The following DHFR2 variants were observed in gnomAD, a reference collection of about 807,000 sequenced individuals.
DHFR2 encodes dihydrofolate reductase 2, mitochondrial.
DHFR2 carries 11 observed loss-of-function variants against 12.0 expected under a neutral mutation model. The observed-to-expected ratio is 0.92, with a 90% CI of 0.58 to 1.52. The LOEUF is 1.52. Ranked by LOEUF, DHFR2 falls within the 40% of genes most tolerant of loss-of-function variation. DHFR2 has a pLI of 0.00. For synonymous variants in DHFR2, 87 were observed against 79.6 expected, an observed-to-expected ratio of 1.09 and a Z score of -0.49; for missense variants, 188 against 221.2, an observed-to-expected ratio of 0.85 and a Z score of 0.95.
upstream of DHFR2, chr3:94,063,257 GA>G: frequency 9.9e-7 from 1 of 1,011,586 alleles, no homozygotes. Flanking sequence ...CCCCTCGCGA[GA>G]TCAGCGTTTC....
chr3:94,059,810 C>G lies in DHFR2; in HGVS notation c.*1138G>C, dbSNP rs945979607. The G allele has an allele frequency of 6.6e-6, 1 of 152,174 alleles. No individual in the cohort carries two copies. The highest frequency in any genetic ancestry group is 6.5e-5 in the Admixed American group (1 of 15,280). 9.4% of individuals were successfully genotyped at this position (152,174 alleles called of 1,614,324 possible). A position where few individuals can be genotyped will look rare whatever the true frequency, so the allele number is the denominator to read the frequency against. On this transcript the variant is annotated 3_prime_UTR_variant, in exon 2 of 2. Coordinates refer to ENST00000314636, the MANE Select transcript of DHFR2 (RefSeq NM_176815.5). ...AAGTGCAGTGGCTGATGCCTGTAAT[C>G]CCAGCACCCCTGAAGGCCGAGGCAG...
rs559246351 is a variant in DHFR2 at position 94,060,978 on chromosome 3, G to A, written c.534C>T (p.Tyr178=). The A allele has an allele frequency of 7.4e-6, 12 of 1,613,802 alleles. No homozygotes were observed. In the East Asian group the frequency reaches 2.5e-4, roughly 33 times the overall value. Residue 178 remains tyrosine, a synonymous_variant, in exon 2 of 2, where the codon TAC becomes TAT. Coordinates refer to ENST00000314636, the MANE Select transcript of DHFR2 (RefSeq NM_176815.5). ...CATCCTTCTCACATACTTCAAATTTGTACTTGATGTGTTTCCCCTCCTGGA... is the reference window on the plus strand; with the variant it reads ...CATCCTTCTCACATACTTCAAATTTATACTTGATGTGTTTCCCCTCCTGGA... ...SDVQEGKHIK[Y]KFEVCEKDD is the part of the protein sequence containing the mutation.
intron 1 of DHFR2, among the ~76,000 whole-genome samples, chr3:94,062,517 A>C (rs546989818): frequency 1.3e-5 from 2 of 152,340 alleles, no homozygotes; most frequent in East Asian, 3.9e-4. Flanking sequence ...TTGGTAGATT[A>C]AGTCAGTAAC....
chr3:94,063,011 G>A (rs766851915), upstream of DHFR2: 21 of 1,116,398 alleles, frequency 1.9e-5, no homozygotes, highest in Non-Finnish European at 2.7e-5. Flanking sequence ...GAGGAAACGT[G>A]AGAATGAAAG....
rs900645736 is a variant in DHFR2 at position 94,059,191 on chromosome 3, G to A, written c.*1757C>T. The A allele has an allele frequency of 6.6e-6, 1 of 152,072 alleles. No individual in the cohort carries two copies. Among genetic ancestry groups the A allele is most frequent in the Non-Finnish European group, 1.5e-5 (1 of 68,002 alleles). The allele number at this position is 152,072 out of a possible 1,614,324, so 9.4% of individuals were successfully genotyped here. A position where few individuals can be genotyped will look rare whatever the true frequency, so the allele number is the denominator to read the frequency against. On this transcript the variant is annotated 3_prime_UTR_variant, in exon 2 of 2. Transcript: ENST00000314636. ...TTTATCAGTTGAAAATAACTTTATAGAATTCTGAAGGCATGGTTCCGTTGT... is the reference window on the plus strand; with the variant it reads ...TTTATCAGTTGAAAATAACTTTATAAAATTCTGAAGGCATGGTTCCGTTGT...
Position 94,061,283 on chromosome 3 carries a change from T to C in DHFR2, c.229A>G (p.Ser77Gly), listed in dbSNP as rs772191447. Residue 77 changes from serine to glycine, a missense_variant, in exon 2 of 2, where the codon AGC becomes GGC. By Grantham distance (56) the Ser-to-Gly change is moderately conservative. Coordinates refer to ENST00000314636, the MANE Select transcript of DHFR2 (RefSeq NM_176815.5). ...PLKDRINLVL[S>G]RELKEPPQGA... is the part of the protein sequence containing the mutation. ...TGTGGAGGTTCCTTGAGTTCTCTGC[T>C]GAGAACTAAATTAATTCTATCCTTT... The C allele has an allele frequency of 1.1e-4, 173 of 1,613,884 alleles. No homozygotes were observed. The highest frequency in any genetic ancestry group is 1.4e-4 in the Non-Finnish European group (160 of 1,179,882).
upstream of DHFR2, chr3:94,063,220 G>A: frequency 1.5e-6 from 2 of 1,369,094 alleles, no homozygotes; most frequent in South Asian, 1.2e-5. Flanking sequence ...GAGGGTGCTG[G>A]GATGGGGGAA....
rs1188996736 is a variant in DHFR2, at chr3:94,058,604, TTA to T, written c.*2342_*2343del. ...GGCTAAGCAGTCAGTCACCACATCA[TTA>T]TGACTATGTACATATTGCCCATTGT... is the stretch of plus-strand genomic sequence containing the variant. On this transcript the variant is annotated 3_prime_UTR_variant, in exon 2 of 2. Coordinates refer to ENST00000314636, the MANE Select transcript of DHFR2 (RefSeq NM_176815.5). 1.3e-5 allele frequency: 2 copies of T among 152,846 alleles called. No homozygotes were observed. The highest frequency in any genetic ancestry group is 4.8e-5 in the African/African-American group (2 of 41,454). The allele number at this position is 152,846 out of a possible 1,614,324, so 9.5% of individuals were successfully genotyped here. A position where few individuals can be genotyped will look rare whatever the true frequency, so the allele number is the denominator to read the frequency against.
chr3:94,061,965 A>G (rs1318184454), intron 1 of DHFR2, among the ~76,000 whole-genome samples: 2 of 152,318 alleles, frequency 1.3e-5, no homozygotes, highest in East Asian at 1.9e-4. Flanking sequence ...TTACATGAAT[A>G]TAAGACTTGT....
At chr3:94,062,164 A>G (rs1329623392) in intron 1 of DHFR2, among the ~76,000 whole-genome samples, 1 of 152,220 alleles carries the variant, frequency 6.6e-6, no homozygotes, top group Non-Finnish European at 1.5e-5. Flanking sequence ...TGTAATAAAC[A>G]TCTTCCTTGG....
Position 94,060,881 on chromosome 3 carries a change from C to A in DHFR2, c.*67G>T. The A allele has an allele frequency of 6.5e-7, 1 of 1,533,428 alleles. No homozygotes were observed. Among genetic ancestry groups the A allele is most frequent in the Non-Finnish European group, 8.8e-7 (1 of 1,133,622 alleles). 95.0% of individuals were successfully genotyped at this position (1,533,428 alleles called of 1,614,324 possible). A position where few individuals can be genotyped will look rare whatever the true frequency, so the allele number is the denominator to read the frequency against. On this transcript the variant is annotated 3_prime_UTR_variant, in exon 2 of 2. Coordinates refer to ENST00000314636, the MANE Select transcript of DHFR2 (RefSeq NM_176815.5). Reference sequence around the variant, plus strand: ...TCTGAAGTCAACAAAAGTCCCTTTTCTAATGTAAAAATGCATACTTTTCTC... The same window carrying A: ...TCTGAAGTCAACAAAAGTCCCTTTTATAATGTAAAAATGCATACTTTTCTC...
At position 94,061,549 on chromosome 3, in the gene DHFR2, G is replaced by A. The variant is rs770599715; in HGVS notation, c.-38C>T. 9.9e-6 allele frequency: 16 copies of A among 1,608,920 alleles called. No homozygotes were observed. The South Asian group carries it at 1.2e-4, about 12-fold the overall frequency. On this transcript the variant is annotated 5_prime_UTR_variant, in exon 2 of 2. Transcript: ENST00000314636. ...TAACACCTCCGAACTTGCTGGCTACGCCAGGAAGCCAGGCCAAGAATGCCG... is the reference window on the plus strand; with the variant it reads ...TAACACCTCCGAACTTGCTGGCTACACCAGGAAGCCAGGCCAAGAATGCCG...
rs2077173916 is a variant in DHFR2 at position 94,061,423 on chromosome 3, T to C, written c.89A>G (p.Asn30Ser). 1 of 1,614,070 alleles carries C rather than the reference T, an allele frequency of 6.2e-7. No homozygotes were observed. The highest frequency in any genetic ancestry group is 1.7e-5 in the Admixed American group (1 of 60,006). Residue 30 changes from asparagine to serine, a missense_variant, in exon 2 of 2, where the codon AAT (asparagine) becomes AGT (serine). Transcript: ENST00000314636. ...CATTCTCTGGAAATACCTGAATTCA[T>C]TCCTGAGCGGCGGCCTGGGCAGGTC... Reference protein sequence around the residue: ...NGDLPRPPLRNEFRYFQRMTT... With the variant: ...NGDLPRPPLRSEFRYFQRMTT...
upstream of DHFR2, chr3:94,063,297 A>T (rs755641915): frequency 9.1e-6 from 7 of 769,482 alleles, no homozygotes; most frequent in Non-Finnish European, 1.6e-5. Context: ...CCCTGAAATA[A>T]TGCTGAGTGC....
In DHFR2 at chr3:94,061,127, G is replaced by C; in HGVS notation, c.385C>G (p.Leu129Val). 1.2e-6 allele frequency: 2 copies of C among 1,613,896 alleles called. No individual in the cohort carries two copies. Among genetic ancestry groups the C allele is most frequent in the Middle Eastern group, 3.3e-4 (2 of 6,056 alleles). ...SSVYKEAMNH[L>V]GHLKLFVTRI... ...GTCACAAATAGTTTAAGATGGCCTA[G>C]GTGATTCATGGCTTCCTTATAAACA... is the stretch of plus-strand genomic sequence containing the variant. Residue 129 changes from leucine (L) to valine (V), a missense_variant, in exon 2 of 2, where the codon CTA becomes GTA. Coordinates refer to ENST00000314636, the MANE Select transcript of DHFR2 (RefSeq NM_176815.5).
In DHFR2 at chr3:94,061,030, G is replaced by C; in HGVS notation, c.482C>G (p.Pro161Arg). The C allele has an allele frequency of 1.9e-6, 3 of 1,613,824 alleles. No individual in the cohort carries two copies. Among genetic ancestry groups the C allele is most frequent in the Non-Finnish European group, 2.5e-6 (3 of 1,179,840 alleles). ...EIDLEKYKLL[P>R]EYPGVLSDVQ... is the part of the protein sequence containing the mutation. ...ATCAGAGAGAACACCTGGGTATTCAGGCAGAAGTTTATATTTCTCCAAGTC... is the reference window on the plus strand; with the variant it reads ...ATCAGAGAGAACACCTGGGTATTCACGCAGAAGTTTATATTTCTCCAAGTC... The change falls in exon 2 of 2, where the codon CCT becomes CGT. Residue 161 changes from proline (P) to arginine (R), a missense_variant. Physicochemically the swap from Pro to Arg is moderately radical, Grantham distance 103. Coordinates refer to ENST00000314636, the MANE Select transcript of DHFR2 (RefSeq NM_176815.5).
In DHFR2 at chr3:94,060,593, T is replaced by C; in HGVS notation, c.*355A>G. ...GTACGAAGCTTTTGGTATTTCCTAC[T>C]AGTGAAACTGCTCAGCTGAAGGGTA... On this transcript the variant is annotated 3_prime_UTR_variant, in exon 2 of 2. Coordinates refer to ENST00000314636, the MANE Select transcript of DHFR2 (RefSeq NM_176815.5). 4.3e-6 allele frequency: 1 copy of C among 231,674 alleles called. No homozygotes were observed. The highest frequency in any genetic ancestry group is 8.4e-6 in the Non-Finnish European group (1 of 118,582). The allele number at this position is 231,674 out of a possible 1,614,324, so 14.4% of individuals were successfully genotyped here.
rs2077156901 is a variant in DHFR2 at position 94,058,719 on chromosome 3, CTTGTTTTTTT to C, written c.*2219_*2228del. 1 of 155,028 alleles carries C rather than the reference CTTGTTTTTTT, an allele frequency of 6.5e-6. No individual in the cohort carries two copies. The highest frequency in any genetic ancestry group is 6.6e-5 in the Admixed American group (1 of 15,256). 9.6% of individuals were successfully genotyped at this position (155,028 alleles called of 1,614,324 possible). A position where few individuals can be genotyped will look rare whatever the true frequency, so the allele number is the denominator to read the frequency against. On this transcript the variant is annotated 3_prime_UTR_variant, in exon 2 of 2. Coordinates refer to ENST00000314636, the MANE Select transcript of DHFR2 (RefSeq NM_176815.5). ...ATTATTGCCTAACCAACCCTTCCCC[CTTGTTTTTTT>C]TTGTTTTTTTTTTTTTTTACTTTTG...
At chr3:94,061,742 A>G in intron 1 of DHFR2, 136 bp from the exon 2 acceptor site, 1 of 635,738 alleles carries the variant, frequency 1.6e-6, no homozygotes, top group Non-Finnish European at 2.0e-6. Flanking sequence ...TTATAAAATT[A>G]TAAAAAATAC....
Sources: allele counts gnomAD v4.1 joint callset (sites outside exome capture counted in the v4.1 genomes callset), GRCh38; gene constraint gnomAD v4.1.1; transcripts MANE v1.5; gene names NCBI Gene and HGNC (gene_info 2026-07-23, HGNC 2026-07-21).